Variants in ZNF536 observed in about 807,000 individuals in gnomAD.
ZNF536 encodes zinc finger protein 536.
In ZNF536, 13 loss-of-function variants were observed where a neutral mutation model predicts 84.5. The observed-to-expected ratio is 0.15, with a 90% CI of 0.10 to 0.24. The LOEUF (loss-of-function observed/expected upper bound fraction) is 0.24, where lower values mean the gene tolerates loss of function less well. Among genes scored for constraint, ZNF536 ranks in the 10% least tolerant of loss-of-function variants. The probability of loss-of-function intolerance (pLI) is 1.00; values close to 1 mark genes in which losing one functional copy is unlikely to be tolerated. For synonymous variants in ZNF536, 811 were observed against 742.5 expected, an observed-to-expected ratio of 1.09 and a Z score of -1.50; for missense variants, 1,536 against 1,747.5, an observed-to-expected ratio of 0.88 and a Z score of 2.16.
At chr19:30,525,269 C>G (rs565034866) in intron 2 of ZNF536, among the ~76,000 whole-genome samples, 1 of 152,310 alleles carries the variant, frequency 6.6e-6, no homozygotes, top group Admixed American at 6.5e-5. Flanking sequence ...TCATCCAACT[C>G]CAGCACCTGC....
At chr19:30,517,895 G>A (rs1004937740) in intron 2 of ZNF536, among the ~76,000 whole-genome samples, 3 of 152,198 alleles carry the variant, frequency 2.0e-5, no homozygotes, top group Non-Finnish European at 4.4e-5. Context: ...CCCATTCCAT[G>A]ATTTGGGGGT....
intron 1 of ZNF536, among the ~76,000 whole-genome samples, chr19:30,259,840 C>T (rs2025107198): frequency 6.6e-6 from 1 of 152,160 alleles, no homozygotes; most frequent in African/African-American, 2.4e-5. Context: ...GCAACCTCCA[C>T]CTCCTGGGTT....
intron 2 of ZNF536, among the ~76,000 whole-genome samples, chr19:30,346,743 C>T (rs767419563): frequency 6.6e-6 from 1 of 152,148 alleles, no homozygotes; most frequent in Non-Finnish European, 1.5e-5. Context: ...TCCAGTGTAC[C>T]ATTGATGAGC....
At chr19:30,436,137 T>C (rs894768619) in intron 1 of ZNF536, among the ~76,000 whole-genome samples, 13 of 152,176 alleles carry the variant, frequency 8.5e-5, no homozygotes, top group African/African-American at 3.1e-4. Flanking sequence ...GTGAGGGCCT[T>C]GACTTTGGCC....
intron 1 of ZNF536, among the ~76,000 whole-genome samples, chr19:30,589,822 C>G (rs576231496): frequency 2.6e-5 from 4 of 152,002 alleles, no homozygotes; most frequent in Admixed American, 2.6e-4. Context: ...TCCAGCCTGC[C>G]CTGTGTGCAG....
chr19:30,616,694 CT>C (rs1235365808), intron 1 of ZNF536, among the ~76,000 whole-genome samples: 1 of 152,166 alleles, frequency 6.6e-6, no homozygotes, highest in Non-Finnish European at 1.5e-5. Context: ...TTTCTTCTCT[CT>C]TTTAGCTCTT....
chr19:30,361,158 G>A (rs182095561), intron 3 of ZNF536, among the ~76,000 whole-genome samples: 223 of 152,242 alleles, frequency 1.5e-3, no homozygotes, highest in African/African-American at 4.9e-3. Context: ...GTTTTACTGA[G>A]AAGATGAAAC....
At chr19:30,271,383 T>C (rs1470919669) in intron 1 of ZNF536, among the ~76,000 whole-genome samples, 1 of 151,032 alleles carries the variant, frequency 6.6e-6, no homozygotes, top group African/African-American at 2.4e-5. Context: ...TTCTTGTTGC[T>C]ATATAATCAC....
At chr19:30,405,193 G>A (rs1176285332) in intron 1 of ZNF536, among the ~76,000 whole-genome samples, 1 of 152,110 alleles carries the variant, frequency 6.6e-6, no homozygotes, top group Non-Finnish European at 1.5e-5. Context: ...CAGAATATAG[G>A]GTGAGACCCT....
chr19:30,286,319 G>A (rs916076719), intron 2 of ZNF536, among the ~76,000 whole-genome samples: 3 of 152,166 alleles, frequency 2.0e-5, no homozygotes, highest in Non-Finnish European at 4.4e-5. Flanking sequence ...GTGTGATGTG[G>A]CTTCAGCCAG....
intron 2 of ZNF536, among the ~76,000 whole-genome samples, chr19:30,453,726 A>C (rs534183795): frequency 1.3e-3 from 198 of 152,358 alleles, no homozygotes; most frequent in Non-Finnish European, 2.1e-3. Context: ...CACCATCTTC[A>C]GCTACCTGAT....
chr19:30,440,426 G>A (rs950285251), intron 1 of ZNF536, among the ~76,000 whole-genome samples: 9 of 152,164 alleles, frequency 5.9e-5, no homozygotes, highest in Non-Finnish European at 8.8e-5. Flanking sequence ...TGCAAAGGCC[G>A]AGGTTAGGCC....
At chr19:30,482,455 C>G (rs2054128177) in intron 2 of ZNF536, among the ~76,000 whole-genome samples, 1 of 152,136 alleles carries the variant, frequency 6.6e-6, no homozygotes, top group Non-Finnish European at 1.5e-5. Flanking sequence ...AACCATTGTC[C>G]CATCACTGTG....
At chr19:30,578,499 T>C (rs2046813559) in intron 1 of ZNF536, among the ~76,000 whole-genome samples, 1 of 152,254 alleles carries the variant, frequency 6.6e-6, no homozygotes, top group African/African-American at 2.4e-5. Flanking sequence ...TTTTCTTGGC[T>C]GCATCTGAGC....
At chr19:30,591,368 C>T (rs189256629) in intron 1 of ZNF536, among the ~76,000 whole-genome samples, 11 of 152,282 alleles carry the variant, frequency 7.2e-5, no homozygotes, top group Admixed American at 5.9e-4. Context: ...ACTCACAGTT[C>T]TACATGGCTG....
At chr19:30,642,001 T>C (rs1175080590) in intron 1 of ZNF536, among the ~76,000 whole-genome samples, 4 of 152,260 alleles carry the variant, frequency 2.6e-5, no homozygotes, top group Admixed American at 2.6e-4. Flanking sequence ...GGAAAACCTT[T>C]TGAGAAAAAA....
chr19:30,457,921 G>A (rs1039549004), intron 2 of ZNF536, among the ~76,000 whole-genome samples: 2 of 152,228 alleles, frequency 1.3e-5, no homozygotes, highest in African/African-American at 4.8e-5. Context: ...GCAGGCACTC[G>A]TGGATACGGC....
chr19:30,335,548 G>A (rs1326974908), intron 2 of ZNF536, among the ~76,000 whole-genome samples: 1 of 152,080 alleles, frequency 6.6e-6, no homozygotes, highest in Non-Finnish European at 1.5e-5. Flanking sequence ...CTACGCGGTG[G>A]GTGTCTGGTC....
intron 1 of ZNF536, among the ~76,000 whole-genome samples, chr19:30,392,370 A>G (rs1385286192): frequency 1.3e-5 from 2 of 152,194 alleles, no homozygotes; most frequent in Non-Finnish European, 2.9e-5. Context: ...TAAGGAGACC[A>G]CAGAATTTAG....
Sources: allele counts gnomAD v4.1 joint callset (sites outside exome capture counted in the v4.1 genomes callset), GRCh38; gene constraint gnomAD v4.1.1; transcripts MANE v1.5; gene names NCBI Gene and HGNC (gene_info 2026-07-23, HGNC 2026-07-21).